Variants in PCDH15 observed in about 807,000 individuals in gnomAD.
PCDH15 encodes the protein protocadherin-15.
Under a neutral mutation model 178.5 loss-of-function variants are expected in PCDH15, and 129 were observed. The observed-to-expected ratio is 0.72, with a 90% CI of 0.63 to 0.84. The LOEUF (loss-of-function observed/expected upper bound fraction) is 0.84. PCDH15 is among the 40% of genes least tolerant of loss of function. PCDH15 has a pLI of 0.00. For synonymous variants in PCDH15, 800 were observed against 732.0 expected, an observed-to-expected ratio of 1.09 and a Z score of -1.50; for missense variants, 2,230 against 2,099.9, an observed-to-expected ratio of 1.06 and a Z score of -1.21.
At chr10:54,554,633 G>C (rs1158292165) in intron 2 of PCDH15, among the ~76,000 whole-genome samples, 1 of 152,066 alleles carries the variant, frequency 6.6e-6, no homozygotes, top group Non-Finnish European at 1.5e-5. Context: ...GAGAAAGAAT[G>C]AATCAATTTG....
intron 1 of PCDH15, among the ~76,000 whole-genome samples, chr10:55,288,548 G>A (rs1028050185): frequency 6.6e-6 from 1 of 151,754 alleles, no homozygotes; most frequent in African/African-American, 2.4e-5. Context: ...CCCTCCTCCA[G>A]CAACCACCAG....
At chr10:55,310,602 T>C (rs941776231) in intron 1 of PCDH15, among the ~76,000 whole-genome samples, 2 of 152,202 alleles carry the variant, frequency 1.3e-5, no homozygotes, top group Admixed American at 6.5e-5. Flanking sequence ...TTGATATGGA[T>C]AGACTATTAG....
At chr10:54,923,446 C>A (rs1837545110) in intron 2 of PCDH15, among the ~76,000 whole-genome samples, 1 of 138,580 alleles carries the variant, frequency 7.2e-6, no homozygotes, top group South Asian at 2.3e-4. Flanking sequence ...ATGGGGTTTT[C>A]TTTTCTACCA....
chr10:55,599,904 C>T, intron 2 of PCDH15: 1 of 1,518,984 alleles, frequency 6.6e-7, no homozygotes, highest in South Asian at 1.2e-5. Flanking sequence ...GTATGAATGG[C>T]CACACCAGGG....
At chr10:54,493,160 C>G (rs954526312) in intron 3 of PCDH15, among the ~76,000 whole-genome samples, 20 of 152,094 alleles carry the variant, frequency 1.3e-4, no homozygotes, top group Non-Finnish European at 2.9e-4. Flanking sequence ...GGTGGGAACA[C>G]AGTCAACCAT....
At chr10:55,191,637 G>A (rs1839947031) in intron 1 of PCDH15, among the ~76,000 whole-genome samples, 1 of 151,898 alleles carries the variant, frequency 6.6e-6, no homozygotes. Context: ...CAATAAAGAT[G>A]AAATCACGTG....
At chr10:55,265,311 G>GATATATATATAT (rs146070132) in intron 1 of PCDH15, among the ~76,000 whole-genome samples, 1,512 of 144,186 alleles carry the variant, frequency 0.01, 29 homozygotes, top group East Asian at 0.048. Context: ...GTATCTCTAT[G>GATATATATATAT]ATATATATAT....
At chr10:54,146,935 A>ATATATATAGTG (rs1564530464) in intron 14 of PCDH15, among the ~76,000 whole-genome samples, 88 of 63,286 alleles carry the variant, frequency 1.4e-3, no homozygotes, top group East Asian at 7.1e-3. Context: ...TATATATATA[A>ATATATATAGTG]TGTATATATA....
chr10:54,721,694 C>G (rs961938478), intron 1 of PCDH15, among the ~76,000 whole-genome samples: 4 of 151,790 alleles, frequency 2.6e-5, no homozygotes, highest in Non-Finnish European at 5.9e-5. Flanking sequence ...CCTAAATAGA[C>G]CCATAATGAC....
At chr10:54,887,768 T>G (rs1954385261) in intron 3 of PCDH15, among the ~76,000 whole-genome samples, 1 of 152,188 alleles carries the variant, frequency 6.6e-6, no homozygotes, top group Non-Finnish European at 1.5e-5. Flanking sequence ...CCTTTCAGTC[T>G]TAGTCCTTCC....
chr10:53,913,405 G>A (rs370754706), intron 25 of PCDH15, among the ~76,000 whole-genome samples: 2 of 151,844 alleles, frequency 1.3e-5, no homozygotes, highest in Non-Finnish European at 2.9e-5. Context: ...CAATGGCACC[G>A]AAAACCAAAA....
chr10:53,871,336 G>A (rs1291729988), intron 26 of PCDH15, among the ~76,000 whole-genome samples: 2 of 151,834 alleles, frequency 1.3e-5, no homozygotes, highest in African/African-American at 2.4e-5. Context: ...GCGAGACGTC[G>A]TCTCAAAAAA....
chr10:54,458,334 A>C (rs888005389), intron 3 of PCDH15, among the ~76,000 whole-genome samples: 3 of 149,826 alleles, frequency 2.0e-5, no homozygotes, highest in Non-Finnish European at 2.9e-5. Context: ...AGTGCTTAGA[A>C]AACTTTAATC....
At chr10:54,594,444 G>A (rs2092086183) in intron 2 of PCDH15, among the ~76,000 whole-genome samples, 1 of 152,070 alleles carries the variant, frequency 6.6e-6, no homozygotes, top group Admixed American at 6.6e-5. Context: ...TTGGGCCCCA[G>A]CCTGCCTGTA....
intron 22 of PCDH15, among the ~76,000 whole-genome samples, chr10:53,960,686 A>G (rs556974731): frequency 6.6e-6 from 1 of 152,210 alleles, no homozygotes; most frequent in East Asian, 1.9e-4. Flanking sequence ...AGATCACAGA[A>G]GACTGTAACC....
chr10:55,588,923 A>G (rs1451022478), intron 2 of PCDH15, among the ~76,000 whole-genome samples: 1 of 151,904 alleles, frequency 6.6e-6, no homozygotes, highest in South Asian at 2.1e-4. Flanking sequence ...CTCTACCAAA[A>G]ATACAAAATT....
At chr10:55,078,049 C>T (rs1007590836) in intron 2 of PCDH15, among the ~76,000 whole-genome samples, 5 of 152,144 alleles carry the variant, frequency 3.3e-5, no homozygotes, top group Admixed American at 2.0e-4. Flanking sequence ...CAGGGAAAGG[C>T]TTTGTTTATT....
chr10:54,182,329 G>A (rs766683695), intron 13 of PCDH15, among the ~76,000 whole-genome samples: 45 of 152,108 alleles, frequency 3.0e-4, no homozygotes, highest in Non-Finnish European at 5.9e-5. Flanking sequence ...TTTATCCTTG[G>A]AATAAATATT....
intron 5 of PCDH15, among the ~76,000 whole-genome samples, chr10:54,348,210 C>T (rs1266918008): frequency 6.6e-6 from 1 of 152,106 alleles, no homozygotes; most frequent in Non-Finnish European, 1.5e-5. Context: ...ATTGCCTCAA[C>T]AACTACACTA....
Sources: gnomAD v4.1 joint callset for allele counts (sites outside exome capture counted in the v4.1 genomes callset) on GRCh38, gnomAD v4.1.1 for gene constraint, MANE v1.5 for transcripts, NCBI Gene and HGNC (gene_info 2026-07-23, HGNC 2026-07-21) for gene names.